Variants in ARMH3 observed in about 807,000 individuals in gnomAD.
The protein encoded by ARMH3 is armadillo like helical domain containing 3, also known as armadillo-like helical domain-containing protein 3.
ARMH3 carries 60 observed loss-of-function variants against 99.1 expected under a neutral mutation model. That is an observed-to-expected ratio of 0.61 (90% CI 0.49 to 0.75). The LOEUF is 0.75. Among genes scored for constraint, ARMH3 ranks in the 30% least tolerant of loss-of-function variants. ARMH3 has a pLI of 0.00. For missense variants in ARMH3, 679 were observed against 843.1 expected, an observed-to-expected ratio of 0.81 and a Z score of 2.41; for synonymous variants, 285 against 292.8, an observed-to-expected ratio of 0.97 and a Z score of 0.27.
intron 19 of ARMH3, among the ~76,000 whole-genome samples, chr10:101,981,558 T>TATTTTC (rs1345237418): frequency 6.6e-6 from 1 of 152,260 alleles, no homozygotes; most frequent in African/African-American, 2.4e-5. Flanking sequence ...CTTCTCCAGA[T>TATTTTC]ATTTTCATAG....
intron 24 of ARMH3, among the ~76,000 whole-genome samples, chr10:101,861,720 A>G (rs1441598077): frequency 1.8e-5 from 2 of 109,094 alleles, no homozygotes; most frequent in Non-Finnish European, 3.6e-5. Flanking sequence ...ACAGAGCGAG[A>G]CTCCGTCTCA....
At position 102,023,672 on chromosome 10, in the gene ARMH3, T is replaced by C. The variant is rs747752130; in HGVS notation, c.582+3A>G. 1.6e-5 allele frequency: 26 copies of C among 1,613,494 alleles called. No homozygotes were observed. The highest frequency in any genetic ancestry group is 2.2e-5 in the Non-Finnish European group (26 of 1,179,496). ...CAAAGAGAGGAGGTAACAAGGGACC[T>C]ACCTGTAAAATTGCTTCAAATATGC... On this transcript the variant is annotated splice_donor_region_variant and intron_variant, in intron 7 of 25. Transcript: ENST00000370033.
chr10:101,972,867 C>T (rs1413707994), intron 20 of ARMH3, among the ~76,000 whole-genome samples: 1 of 152,142 alleles, frequency 6.6e-6, no homozygotes, highest in Non-Finnish European at 1.5e-5. Context: ...CCCCTCAGCT[C>T]ATCAAGGGCC....
chr10:102,048,331 T>C (rs1333621480), intron 1 of ARMH3, among the ~76,000 whole-genome samples: 1 of 152,254 alleles, frequency 6.6e-6, no homozygotes, highest in East Asian at 1.9e-4. Flanking sequence ...AAATCTTATG[T>C]AGCTATCTGT....
At chr10:101,895,791 A>T (rs919938674) in intron 23 of ARMH3, among the ~76,000 whole-genome samples, 2 of 152,224 alleles carry the variant, frequency 1.3e-5, no homozygotes, top group African/African-American at 4.8e-5. Context: ...AGAAACTTGT[A>T]CCAGAATATA....
intron 23 of ARMH3, among the ~76,000 whole-genome samples, chr10:101,911,521 G>A (rs1415534116): frequency 1.3e-5 from 2 of 152,164 alleles, no homozygotes; most frequent in African/African-American, 4.8e-5. Flanking sequence ...AGGATGGCTT[G>A]AGGCCAGGAG....
chr10:101,907,913 T>G (rs550466027), intron 23 of ARMH3, among the ~76,000 whole-genome samples: 1 of 152,282 alleles, frequency 6.6e-6, no homozygotes, highest in East Asian at 1.9e-4. Context: ...CCAGCTCCCA[T>G]GCCGCACTTC....
At chr10:101,850,628 T>C (rs998175902) in intron 24 of ARMH3, among the ~76,000 whole-genome samples, 1 of 152,140 alleles carries the variant, frequency 6.6e-6, no homozygotes, top group African/African-American at 2.4e-5. Context: ...TTTCTCCATG[T>C]TGGCCAAGCT....
At chr10:101,946,123 A>G (rs796737579) in intron 22 of ARMH3, among the ~76,000 whole-genome samples, 7 of 148,790 alleles carry the variant, frequency 4.7e-5, no homozygotes, top group African/African-American at 1.8e-4. Flanking sequence ...GTAATCCACA[A>G]TTACTCATAA....
intron 1 of ARMH3, among the ~76,000 whole-genome samples, chr10:102,052,374 C>T (rs1448115042): frequency 2.0e-5 from 3 of 152,154 alleles, no homozygotes; most frequent in African/African-American, 7.2e-5. Context: ...CAGGCTCACA[C>T]TGCCACACCC....
intron 23 of ARMH3, among the ~76,000 whole-genome samples, chr10:101,894,770 G>C (rs151216732): frequency 6.6e-6 from 1 of 151,910 alleles, no homozygotes; most frequent in Non-Finnish European, 1.5e-5. Context: ...CTACTTGGGG[G>C]GCTGAGGCAG....
chr10:102,052,924 C>A (rs2067741759), intron 1 of ARMH3, among the ~76,000 whole-genome samples: 1 of 152,016 alleles, frequency 6.6e-6, no homozygotes, highest in African/African-American at 2.4e-5. Context: ...TCTTTCCATA[C>A]CCTAACCTTT....
chr10:101,891,731 C>T (rs985182334), intron 23 of ARMH3, among the ~76,000 whole-genome samples: 2 of 152,152 alleles, frequency 1.3e-5, no homozygotes, highest in African/African-American at 4.8e-5. Flanking sequence ...GGAAATTAGG[C>T]TGAGGGTATC....
At chr10:101,963,184 C>T (rs61873608) in intron 20 of ARMH3, among the ~76,000 whole-genome samples, 7,237 of 150,036 alleles carry the variant, frequency 0.048, 198 homozygotes, top group Middle Eastern at 0.095. Flanking sequence ...ACTCTGTTGC[C>T]GAGGCTGGAG....
In ARMH3 at chr10:101,887,894, C is replaced by T. The variant is rs555084844; in HGVS notation, c.1860+1518G>A. Among the ~76,000 whole-genome samples the T allele has an allele frequency of 7.0e-4, 107 of 152,022 alleles. No individual in the cohort carries two copies. In the South Asian group the frequency reaches 0.021, roughly 30 times the overall value. On this transcript the variant is annotated intron_variant, in intron 24 of 25. Coordinates refer to ENST00000370033, the MANE Select transcript of ARMH3 (RefSeq NM_024541.3). The stretch of plus-strand genomic sequence containing the variant: ...TAACTTTGAAAGAAGTTGGAGGAGG[C>T]TGAGGACACGTGCTTGCTAATCATC...
Position 102,004,844 on chromosome 10 carries a change from C to T in ARMH3, c.1048+1696G>A, listed in dbSNP as rs1021981324. ...CAGCACTTTGGGAGCCCGAGGCAGG[C>T]GGATCACCTGAGGTCAGGAGTTCGG... On this transcript the variant is annotated intron_variant, in intron 14 of 25. Transcript: ENST00000370033. Among the ~76,000 whole-genome samples, 8 of 152,030 alleles carry T rather than the reference C, an allele frequency of 5.3e-5. No individual in the cohort carries two copies. In the East Asian group the frequency reaches 1.2e-3, roughly 22 times the overall value.
intron 19 of ARMH3, among the ~76,000 whole-genome samples, chr10:101,981,399 G>A (rs1846227683): frequency 6.6e-6 from 1 of 151,940 alleles, no homozygotes. Context: ...TGAGGCAGTA[G>A]GACTGCTTGA....
chr10:101,998,210 AT>A (rs1220303549), intron 15 of ARMH3, among the ~76,000 whole-genome samples: 1 of 152,154 alleles, frequency 6.6e-6, no homozygotes, highest in Non-Finnish European at 1.5e-5. Context: ...CTAAAAGTTC[AT>A]TTTCTAGGTC....
At chr10:101,891,322 A>G (rs541392525) in intron 23 of ARMH3, among the ~76,000 whole-genome samples, 1 of 152,006 alleles carries the variant, frequency 6.6e-6, no homozygotes, top group Admixed American at 6.6e-5. Flanking sequence ...CAGCTTCCCA[A>G]GAAGCTGGGA....
Sources: gnomAD v4.1 joint callset for allele counts (sites outside exome capture counted in the v4.1 genomes callset) on GRCh38, gnomAD v4.1.1 for gene constraint, MANE v1.5 for transcripts, NCBI Gene and HGNC (gene_info 2026-07-23, HGNC 2026-07-21) for gene names.